CHST6: variants seen among roughly 807,000 people sequenced by gnomAD.
CHST6 encodes the protein carbohydrate sulfotransferase 6.
For missense variants in CHST6, 698 were observed against 586.2 expected (o/e 1.19, Z -1.97); for synonymous variants, 309 against 276.4 (o/e 1.12, Z -1.17).
chr16:75,495,025 C>T lies in CHST6; in HGVS notation c.-177G>A. 6.6e-6 allele frequency: 1 copy of T among 152,558 alleles called. No individual in the cohort carries two copies. Among genetic ancestry groups the T allele is most frequent in the East Asian group, 1.9e-4 (1 of 5,196 alleles). The allele number at this position is 152,558 out of a possible 1,614,324, so 9.5% of individuals were successfully genotyped here. On this transcript the variant is annotated 5_prime_UTR_variant, in exon 1 of 3. Transcript: ENST00000332272. ...GGACTCAGCAAAGGCTCCCAAACGT[C>T]GTCTCTTCCAAATTCCACCGCACAG...
At chr16:75,487,648 A>T (rs1225862008) in intron 1 of CHST6, among the ~76,000 whole-genome samples, 2 of 151,318 alleles carry the variant, frequency 1.3e-5, no homozygotes, top group Non-Finnish European at 2.9e-5. Flanking sequence ...AAATACAAAA[A>T]ATTAGCCGGG....
At chr16:75,493,457 G>A (rs933174980) in intron 1 of CHST6, among the ~76,000 whole-genome samples, 1 of 150,806 alleles carries the variant, frequency 6.6e-6, no homozygotes, top group African/African-American at 2.4e-5. Context: ...GTTGCAGTGA[G>A]CCGAGATTAT....
rs757286105 is a variant in CHST6, at chr16:75,479,485, C to T, written c.344G>A (p.Arg115His). The T allele has an allele frequency of 1.9e-6, 3 of 1,612,880 alleles. No homozygotes were observed. Among genetic ancestry groups the T allele is most frequent in the Non-Finnish European group, 2.5e-6 (3 of 1,179,848 alleles). The change falls in exon 3 of 3, where the codon CGC becomes CAC. Residue 115 changes from arginine to histidine, a missense_variant. Transcript: ENST00000332272. ...DVFDAYLPWR[R>H]NLSDLFQWAV... ...CCACTGGAAGAGGTCGGACAGGTTG[C>T]GGCGCCAAGGCAGATAGGCATCAAA...
In CHST6 at chr16:75,478,581, C is replaced by T. The variant is rs1256674771; in HGVS notation, c.*60G>A. ...GGACCTGCTTCTCCGTGCGCCCCAGCCCCCTCTGCACCATGCACTCTCCTC... is the reference window on the plus strand; with the variant it reads ...GGACCTGCTTCTCCGTGCGCCCCAGTCCCCTCTGCACCATGCACTCTCCTC... On this transcript the variant is annotated 3_prime_UTR_variant, in exon 3 of 3. Transcript: ENST00000332272. 2.5e-5 allele frequency: 39 copies of T among 1,559,050 alleles called. No individual in the cohort carries two copies. The highest frequency in any genetic ancestry group is 2.9e-5 in the Non-Finnish European group (33 of 1,131,052).
intron 1 of CHST6, among the ~76,000 whole-genome samples, chr16:75,487,106 C>G (rs1464208284): frequency 6.6e-6 from 1 of 152,208 alleles, no homozygotes; most frequent in Non-Finnish European, 1.5e-5. Context: ...ACTCTGTGGT[C>G]CACATCCAGA....
chr16:75,485,903 C>T (rs921201698), intron 1 of CHST6, among the ~76,000 whole-genome samples: 2 of 152,178 alleles, frequency 1.3e-5, no homozygotes, highest in Non-Finnish European at 2.9e-5. Flanking sequence ...CTCCTGGATT[C>T]CAGCAAAGTC....
Position 75,479,575 on chromosome 16 carries a change from G to A in CHST6, c.254C>T (p.Ala85Val), listed in dbSNP as rs779754234. 1.9e-6 allele frequency: 3 copies of A among 1,613,008 alleles called. No homozygotes were observed. The highest frequency in any genetic ancestry group is 3.3e-5 in the Admixed American group (2 of 60,018). The change falls in exon 3 of 3, where the codon GCC becomes GTC. Residue 85 changes from alanine to valine, a missense_variant. By Grantham distance (64) the Ala-to-Val change is moderately conservative. Coordinates refer to ENST00000332272, the MANE Select transcript of CHST6 (RefSeq NM_021615.5). ...GCGCACAGCCATGTGCAGCGTTGCG[G>A]CGCTGCCCTGCGACAGGGTGGTCCA... is the stretch of plus-strand genomic sequence containing the variant. ...HVWTTLSQGS[A>V]ATLHMAVRDL...
chr16:75,484,250 T>C (rs929519911), intron 1 of CHST6, among the ~76,000 whole-genome samples: 2 of 152,114 alleles, frequency 1.3e-5, no homozygotes, highest in Non-Finnish European at 2.9e-5. Context: ...GGCAGGAGAA[T>C]TGCTTGAATC....
intron 1 of CHST6, among the ~76,000 whole-genome samples, chr16:75,483,880 C>A (rs1398800722): frequency 1.3e-5 from 2 of 151,314 alleles, no homozygotes; most frequent in Non-Finnish European, 2.9e-5. Context: ...AAAAATTAGC[C>A]CAGTGCAGTG....
In CHST6 at chr16:75,479,141, C is replaced by T. The variant is rs774961961; in HGVS notation, c.688G>A (p.Gly230Ser). The change falls in exon 3 of 3, where the codon GGC becomes AGC. Residue 230 changes from glycine (G) to serine (S), a missense_variant. Physicochemically the swap from Gly to Ser is moderately conservative, Grantham distance 56. Transcript: ENST00000332272. Reference sequence around the variant, plus strand: ...CCGGGGTCGGCCTCCACCCACGTGCCGTTGGTGCCCAGCACGATGCCGTTG... The same window carrying T: ...CCGGGGTCGGCCTCCACCCACGTGCTGTTGGTGCCCAGCACGATGCCGTTG... Reference protein sequence around the residue: ...RDNGIVLGTNGTWVEADPGLR... With the variant: ...RDNGIVLGTNSTWVEADPGLR... 12 of 1,606,726 alleles carry T rather than the reference C, an allele frequency of 7.5e-6. No homozygotes were observed. In the South Asian group the frequency reaches 1.2e-4, roughly 16 times the overall value.
Position 75,488,112 on chromosome 16 carries a change from T to C in CHST6, c.-91-6221A>G, listed in dbSNP as rs2080220305. ...AGGGAACAAAATGTAACACTAGGTA[T>C]AGATCCCAGGTTTAGATTTCTCTGT... On this transcript the variant is annotated intron_variant, in intron 1 of 2. Transcript: ENST00000332272. 2.0e-5 allele frequency among the ~76,000 whole-genome samples: 3 copies of C among 152,180 alleles called. No homozygotes were observed. The South Asian group carries it at 6.2e-4, about 32-fold the overall frequency.
At chr16:75,486,524 C>G (rs1471865416) in intron 1 of CHST6, among the ~76,000 whole-genome samples, 3 of 152,244 alleles carry the variant, frequency 2.0e-5, no homozygotes, top group South Asian at 4.1e-4. Context: ...CCCTGCCCCC[C>G]CAGCCCACAC....
At chr16:75,493,889 G>A (rs1014178551) in intron 1 of CHST6, among the ~76,000 whole-genome samples, 2 of 152,164 alleles carry the variant, frequency 1.3e-5, no homozygotes, top group Non-Finnish European at 2.9e-5. Context: ...CTGTTGTCCA[G>A]ACTGGAGTGA....
At chr16:75,494,608 G>T (rs58042003) in intron 1 of CHST6, among the ~76,000 whole-genome samples, 8,137 of 152,224 alleles carry the variant, frequency 0.053, 742 homozygotes, top group African/African-American at 0.19. Context: ...AACCCGCCAA[G>T]CTACCGTCTC....
chr16:75,481,912 T>A, intron 1 of CHST6, 21 bp from the exon 2 acceptor site: 1 of 466,678 alleles, frequency 2.1e-6, no homozygotes, highest in East Asian at 6.9e-5. Flanking sequence ...AGGAGGGCGA[T>A]GGAGTCACAC....
chr16:75,493,420 A>T (rs1458530806), intron 1 of CHST6, among the ~76,000 whole-genome samples: 1 of 151,852 alleles, frequency 6.6e-6, no homozygotes, highest in Admixed American at 6.6e-5. Flanking sequence ...GAGGCAGGAG[A>T]ATCGCTTGAA....
intron 1 of CHST6, among the ~76,000 whole-genome samples, chr16:75,484,712 T>C (rs1259579293): frequency 6.6e-6 from 1 of 151,712 alleles, no homozygotes. Context: ...GGTGTGGTGG[T>C]GAGTGCCTGT....
chr16:75,494,976 A>G lies in CHST6; in HGVS notation c.-128T>C, dbSNP rs2080294140. 1 of 152,308 alleles carries G rather than the reference A, an allele frequency of 6.6e-6. No individual in the cohort carries two copies. Among genetic ancestry groups the G allele is most frequent in the South Asian group, 2.1e-4 (1 of 4,834 alleles). The allele number at this position is 152,308 out of a possible 1,614,324, so 9.4% of individuals were successfully genotyped here. A position where few individuals can be genotyped will look rare whatever the true frequency, so the allele number is the denominator to read the frequency against. On this transcript the variant is annotated 5_prime_UTR_variant, in exon 1 of 3. Transcript: ENST00000332272. The stretch of plus-strand genomic sequence containing the variant: ...GCGGCTCTGCCCGAGCTGCAGCGGC[A>G]CGGTGGGGGACGCCTCTCTCCCTGG...
At chr16:75,485,863 G>A (rs960492390) in intron 1 of CHST6, among the ~76,000 whole-genome samples, 1 of 152,144 alleles carries the variant, frequency 6.6e-6, no homozygotes, top group East Asian at 1.9e-4. Flanking sequence ...AGCCGCGGGA[G>A]GGTCATGCTG....
Sources: gnomAD v4.1 joint callset for allele counts (sites outside exome capture counted in the v4.1 genomes callset) on GRCh38, gnomAD v4.1.1 for gene constraint, MANE v1.5 for transcripts, NCBI Gene and HGNC (gene_info 2026-07-23, HGNC 2026-07-21) for gene names.